The following GRM7 variants were observed in gnomAD, a reference collection of about 807,000 sequenced individuals.
GRM7 encodes metabotropic glutamate receptor 7.
GRM7 carries 35 observed loss-of-function variants against 84.5 expected under a neutral mutation model. That is an observed-to-expected ratio of 0.41 (90% CI 0.32 to 0.55). GRM7 has a LOEUF of 0.55. GRM7 is among the 20% of genes least tolerant of loss of function. The probability of loss-of-function intolerance (pLI) is 0.19; values close to 1 mark genes in which losing one functional copy is unlikely to be tolerated. For missense variants in GRM7, 1,003 were observed against 1,194.6 expected (o/e 0.84, Z 2.36); for synonymous variants, 487 against 455.1 (o/e 1.07, Z -0.89).
chr3:7,341,665 G>A (rs751753905), intron 4 of GRM7, among the ~76,000 whole-genome samples: 2 of 152,060 alleles, frequency 1.3e-5, no homozygotes, highest in Non-Finnish European at 2.9e-5. Flanking sequence ...TTTTCCAATA[G>A]CACTTAGCAA....
intron 7 of GRM7, among the ~76,000 whole-genome samples, chr3:7,473,222 C>T (rs1698773197): frequency 1.3e-5 from 2 of 152,152 alleles, no homozygotes; most frequent in South Asian, 2.1e-4. Context: ...AATCCTAGCA[C>T]TTTGGGAAGC....
intron 1 of GRM7, among the ~76,000 whole-genome samples, chr3:7,092,277 A>G (rs756736841): frequency 6.6e-5 from 10 of 152,234 alleles, no homozygotes; most frequent in Admixed American, 1.3e-4. Flanking sequence ...TCTTCATGAC[A>G]GAACTTCTAA....
chr3:7,361,821 A>G (rs1326192590), intron 4 of GRM7, among the ~76,000 whole-genome samples: 2 of 152,110 alleles, frequency 1.3e-5, no homozygotes, highest in South Asian at 2.1e-4. Flanking sequence ...TCCTGGCCCC[A>G]AGTTGCTCCT....
chr3:7,491,932 G>A (rs749241658), intron 7 of GRM7, among the ~76,000 whole-genome samples: 5 of 152,048 alleles, frequency 3.3e-5, no homozygotes, highest in Non-Finnish European at 7.4e-5. Context: ...TGTTCTACCC[G>A]GCAAGGACCC....
chr3:7,496,576 G>A (rs1320024865), intron 7 of GRM7, among the ~76,000 whole-genome samples: 4 of 152,076 alleles, frequency 2.6e-5, no homozygotes, highest in Admixed American at 1.3e-4. Flanking sequence ...TTGCTAAGAA[G>A]TACATCATTG....
At chr3:7,025,138 C>T (rs1447636567) in intron 1 of GRM7, among the ~76,000 whole-genome samples, 1 of 152,194 alleles carries the variant, frequency 6.6e-6, no homozygotes, top group Non-Finnish European at 1.5e-5. Context: ...CAGACACTCT[C>T]TCCTGCCTCA....
In GRM7 at chr3:7,552,614, G is replaced by A. The variant is rs149503846; in HGVS notation, c.1516-25808G>A. ...CTCAGTTCTTGACTACCATGCACCCGCAGGCCCAACATCATGTGGAAGCTG... is the reference window on the plus strand; with the variant it reads ...CTCAGTTCTTGACTACCATGCACCCACAGGCCCAACATCATGTGGAAGCTG... On this transcript the variant is annotated intron_variant, in intron 7 of 9. Transcript: ENST00000357716. Among the ~76,000 whole-genome samples the A allele has an allele frequency of 1.5e-4, 23 of 152,288 alleles. No homozygotes were observed. The East Asian group carries it at 2.3e-3, about 15-fold the overall frequency.
At chr3:7,237,933 C>T (rs1158128401) in intron 2 of GRM7, among the ~76,000 whole-genome samples, 6 of 152,134 alleles carry the variant, frequency 3.9e-5, no homozygotes, top group African/African-American at 1.2e-4. Flanking sequence ...CTGATTGGTG[C>T]GTTTACAGAC....
At chr3:7,480,607 C>G (rs1301499622) in intron 7 of GRM7, among the ~76,000 whole-genome samples, 4 of 152,208 alleles carry the variant, frequency 2.6e-5, no homozygotes, top group Non-Finnish European at 5.9e-5. Context: ...ATATCTCTTT[C>G]TTTGCATGCA....
chr3:7,392,653 A>G (rs1695046346), intron 4 of GRM7, among the ~76,000 whole-genome samples: 1 of 152,160 alleles, frequency 6.6e-6, no homozygotes. Flanking sequence ...TGTCCTAGAT[A>G]TGTGTAGAAG....
chr3:7,397,161 A>G (rs1246675533), intron 4 of GRM7, among the ~76,000 whole-genome samples: 4 of 152,180 alleles, frequency 2.6e-5, no homozygotes, highest in Admixed American at 1.3e-4. Context: ...AACTAAATAA[A>G]CAAAACAAGA....
intron 1 of GRM7, among the ~76,000 whole-genome samples, chr3:7,039,767 C>T (rs1006314431): frequency 2.6e-5 from 4 of 151,964 alleles, no homozygotes; most frequent in Non-Finnish European, 5.9e-5. Context: ...GTTCCACCAG[C>T]GATGGATTTG....
At chr3:6,874,880 T>A (rs1574953969) in intron 1 of GRM7, among the ~76,000 whole-genome samples, 1 of 152,216 alleles carries the variant, frequency 6.6e-6, no homozygotes, top group Non-Finnish European at 1.5e-5. Flanking sequence ...AATATTTTAT[T>A]TCCTTCTTAA....
intron 1 of GRM7, among the ~76,000 whole-genome samples, chr3:7,091,643 T>G (rs2125009351): frequency 6.8e-6 from 1 of 147,890 alleles, no homozygotes; most frequent in East Asian, 2.0e-4. Flanking sequence ...CAAAATCCCA[T>G]GATTTGTTTT....
At chr3:7,498,546 C>T (rs534780554) in intron 7 of GRM7, among the ~76,000 whole-genome samples, 2 of 152,024 alleles carry the variant, frequency 1.3e-5, no homozygotes, top group Non-Finnish European at 2.9e-5. Flanking sequence ...GGGTTGAATC[C>T]GGATTCTGGT....
At chr3:7,132,735 C>A (rs1167946731) in intron 1 of GRM7, among the ~76,000 whole-genome samples, 2 of 152,190 alleles carry the variant, frequency 1.3e-5, no homozygotes, top group African/African-American at 2.4e-5. Flanking sequence ...CATCTGTGGT[C>A]TTTTACAATG....
chr3:7,309,459 A>G (rs1700314606), intron 4 of GRM7, among the ~76,000 whole-genome samples: 1 of 151,962 alleles, frequency 6.6e-6, no homozygotes, highest in Non-Finnish European at 1.5e-5. Context: ...GGGGTAGAAT[A>G]TTTTTCAAAT....
intron 1 of GRM7, among the ~76,000 whole-genome samples, chr3:6,896,225 C>A (rs1022380941): frequency 6.6e-6 from 1 of 152,020 alleles, no homozygotes; most frequent in Non-Finnish European, 1.5e-5. Flanking sequence ...CCACGCCTGC[C>A]CCTTACTTCT....
At chr3:7,515,587 G>T (rs1700347707) in intron 7 of GRM7, among the ~76,000 whole-genome samples, 1 of 152,126 alleles carries the variant, frequency 6.6e-6, no homozygotes. Flanking sequence ...AACTAACCTG[G>T]CTATGATGGT....
Sources: gnomAD v4.1 joint callset for allele counts (sites outside exome capture counted in the v4.1 genomes callset) on GRCh38, gnomAD v4.1.1 for gene constraint, MANE v1.5 for transcripts, NCBI Gene and HGNC (gene_info 2026-07-23, HGNC 2026-07-21) for gene names.